CLEC4D: variants seen among roughly 807,000 people sequenced by gnomAD.
CLEC4D encodes the protein C-type lectin domain family 4 member D.
Under a neutral mutation model 21.1 loss-of-function variants are expected in CLEC4D, and 21 were observed. The ratio of observed to expected loss-of-function variants is 1.00; its 90% confidence interval spans 0.71 to 1.43. The LOEUF is 1.43. Among genes scored for constraint, CLEC4D ranks in the 40% most tolerant of loss-of-function variants. The pLI is 0.00. For synonymous variants in CLEC4D, 85 were observed against 83.1 expected (o/e 1.02, Z -0.12); for missense variants, 289 against 260.7 (o/e 1.11, Z -0.75).
At chr12:8,518,380 A>C in intron 3 of CLEC4D, 106 bp downstream of exon 3, 1 of 624,306 alleles carries the variant, frequency 1.6e-6, no homozygotes, top group Non-Finnish European at 2.9e-6. Flanking sequence ...AAATAGCATA[A>C]GATGAGAATC....
rs148408697 is a variant in CLEC4D at position 8,519,088 on chromosome 12, G to A, written c.312G>A (p.Thr104=). The A allele has an allele frequency of 9.9e-6, 16 of 1,614,130 alleles. No individual in the cohort carries two copies. The highest frequency in any genetic ancestry group is 2.7e-5 in the African/African-American group (2 of 75,030). The change falls in exon 4 of 6, where the codon ACG becomes ACA. Residue 104 remains threonine, a synonymous_variant. Transcript: ENST00000299665. ...NCYFPLTDNK[T]WAESERNCSG... is the part of the protein sequence containing the mutation. ...ATTTTCCTCTTACTGACAACAAGAC[G>A]TGGGCTGAGAGTGAAAGGAACTGTT... is the stretch of plus-strand genomic sequence containing the variant.
chr12:8,519,097 G>C lies in CLEC4D; in HGVS notation c.321G>C (p.Glu107Asp). Reference sequence around the variant, plus strand: ...TTACTGACAACAAGACGTGGGCTGAGAGTGAAAGGAACTGTTCAGGGATGG... The same window carrying C: ...TTACTGACAACAAGACGTGGGCTGACAGTGAAAGGAACTGTTCAGGGATGG... ...FPLTDNKTWA[E>D]SERNCSGMGA... The change falls in exon 4 of 6, where the codon GAG becomes GAC. Residue 107 changes from glutamate to aspartate, a missense_variant. Physicochemically the swap from Glu to Asp is conservative, Grantham distance 45. Transcript: ENST00000299665. 6.2e-7 allele frequency: 1 copy of C among 1,614,164 alleles called. No homozygotes were observed. The highest frequency in any genetic ancestry group is 8.5e-7 in the Non-Finnish European group (1 of 1,180,020).
In CLEC4D at chr12:8,521,344, G is replaced by C; in HGVS notation, c.*73G>C. On this transcript the variant is annotated 3_prime_UTR_variant, in exon 6 of 6. Coordinates refer to ENST00000299665, the MANE Select transcript of CLEC4D (RefSeq NM_080387.5). ...TTAGAATAAGGCAGAATGTACGTGC[G>C]TCATTGGAACACAGAAAACATGCTG... 6.5e-7 allele frequency: 1 copy of C among 1,529,224 alleles called. No homozygotes were observed. Among genetic ancestry groups the C allele is most frequent in the Non-Finnish European group, 8.7e-7 (1 of 1,144,388 alleles). The allele number at this position is 1,529,224 out of a possible 1,614,324, so 94.7% of individuals were successfully genotyped here.
At chr12:8,531,447 T>C in the CLEC4D span, among the ~76,000 whole-genome samples, 1 of 152,336 alleles carries the variant, frequency 6.6e-6, no homozygotes, top group East Asian at 1.9e-4. Context: ...TGTTTTGTTT[T>C]TTACTTCAGA....
At chr12:8,523,772 T>C (rs560668272), downstream of CLEC4D, among the ~76,000 whole-genome samples, 2 of 152,196 alleles carry the variant, frequency 1.3e-5, no homozygotes, top group African/African-American at 2.4e-5. Context: ...CCTTGTCTTG[T>C]ACCAGTTTTC....
In CLEC4D at chr12:8,520,341, T is replaced by A; in HGVS notation, c.500T>A (p.Val167Glu). The stretch of plus-strand genomic sequence containing the variant: ...CAGACGCCATTTAACCCACGCAGAG[T>A]GTAAGTATATTGAGTGGGCTAAGGG... Reference protein sequence around the residue: ...VDQTPFNPRRVFWHKNEPDNS... With the variant: ...VDQTPFNPRREFWHKNEPDNS... Residue 167 changes from valine (V) to glutamate (E), a missense_variant and splice_region_variant, in exon 5 of 6, where the codon GTA (valine) becomes GAA (glutamate). Coordinates refer to ENST00000299665, the MANE Select transcript of CLEC4D (RefSeq NM_080387.5). 6.2e-7 allele frequency: 1 copy of A among 1,613,150 alleles called. No individual in the cohort carries two copies. The highest frequency in any genetic ancestry group is 8.5e-7 in the Non-Finnish European group (1 of 1,179,404).
At chr12:8,519,297 A>G in intron 4 of CLEC4D, 137 bp downstream of exon 4, 1 of 1,341,648 alleles carries the variant, frequency 7.5e-7, no homozygotes, top group Non-Finnish European at 9.7e-7. Context: ...TTCCTCTTCA[A>G]CTTTTTGTCA....
rs1233056150 is a variant in CLEC4D, at chr12:8,521,940, G to T, written c.*669G>T. On this transcript the variant is annotated 3_prime_UTR_variant, in exon 6 of 6. Coordinates refer to ENST00000299665, the MANE Select transcript of CLEC4D (RefSeq NM_080387.5). ...GTCTTTGTAAGACACCTTAAACAAAGTCCTTCAATTCTACAGCAGAGGAAA... is the reference window on the plus strand; with the variant it reads ...GTCTTTGTAAGACACCTTAAACAAATTCCTTCAATTCTACAGCAGAGGAAA... 3.3e-5 allele frequency: 5 copies of T among 152,106 alleles called. No homozygotes were observed. The highest frequency in any genetic ancestry group is 1.2e-4 in the African/African-American group (5 of 41,448). 9.4% of individuals were successfully genotyped at this position (152,106 alleles called of 1,614,324 possible).
At chr12:8,518,334 A>C (rs1210847462) in intron 3 of CLEC4D, 60 bp downstream of exon 3, 11 of 767,972 alleles carry the variant, frequency 1.4e-5, no homozygotes, top group Admixed American at 1.3e-4. Context: ...TCATAGTCTG[A>C]CTGAAGGAAT....
Position 8,519,014 on chromosome 12 carries a change from A to T in CLEC4D, c.238A>T (p.Thr80Ser). 6.2e-7 allele frequency: 1 copy of T among 1,613,086 alleles called. No individual in the cohort carries two copies. The highest frequency in any genetic ancestry group is 8.5e-7 in the Non-Finnish European group (1 of 1,179,714). The change falls in exon 4 of 6, where the codon ACC becomes TCC. Residue 80 changes from threonine to serine, a missense_variant. Physicochemically the swap from Thr to Ser is moderately conservative, Grantham distance 58. Coordinates refer to ENST00000299665, the MANE Select transcript of CLEC4D (RefSeq NM_080387.5). ...KSELKSAEGSTWNCCPIDWRA... is the reference protein window; with the variant it reads ...KSELKSAEGSSWNCCPIDWRA... ...CGTTTTAATTTTCACTTGAGGGAGCACCTGGAACTGTTGTCCTATTGACTG... is the reference window on the plus strand; with the variant it reads ...CGTTTTAATTTTCACTTGAGGGAGCTCCTGGAACTGTTGTCCTATTGACTG...
At chr12:8,517,562 C>T (rs761129636) in intron 2 of CLEC4D, among the ~76,000 whole-genome samples, 56 of 151,662 alleles carry the variant, frequency 3.7e-4, no homozygotes, top group Non-Finnish European at 7.1e-4. Flanking sequence ...CAACCCAGCG[C>T]GCACCAAAAA....
intron 3 of CLEC4D, 111 bp downstream of exon 3, chr12:8,518,385 A>C (rs1940412774): frequency 1.7e-6 from 1 of 599,240 alleles, no homozygotes; most frequent in Non-Finnish European, 3.0e-6. Flanking sequence ...GCATAAGATG[A>C]GAATCTGGCA....
At position 8,513,689 on chromosome 12, in the gene CLEC4D, A is replaced by G. The variant is rs145947521; in HGVS notation, c.-44A>G. 348 of 921,550 alleles carry G rather than the reference A, an allele frequency of 3.8e-4. 2 individuals carry two copies. The East Asian group carries it at 5.8e-3, about 15-fold the overall frequency. 57.1% of individuals were successfully genotyped at this position (921,550 alleles called of 1,614,324 possible). On this transcript the variant is annotated 5_prime_UTR_variant, in exon 1 of 6. Transcript: ENST00000299665. ...TACTCTGGGGGAAAAAAAATAGAACAAATTCTTGCCGTCCTGACCATTGAA... is the reference window on the plus strand; with the variant it reads ...TACTCTGGGGGAAAAAAAATAGAACGAATTCTTGCCGTCCTGACCATTGAA...
At chr12:8,521,071 C>A in intron 5 of CLEC4D, 53 bp from the exon 6 acceptor site, 1 of 1,570,458 alleles carries the variant, frequency 6.4e-7, no homozygotes, top group South Asian at 1.2e-5. Flanking sequence ...CACCTATAAT[C>A]TACATTGTCT....
At chr12:8,518,957 T>G (rs1591720076) in intron 3 of CLEC4D, 52 bp from the exon 4 acceptor site, 1 of 1,588,762 alleles carries the variant, frequency 6.3e-7, no homozygotes, top group East Asian at 2.2e-5. Flanking sequence ...TGCAATCTGT[T>G]ACAGATGAAA....
chr12:8,529,993 A>C, the CLEC4D span, among the ~76,000 whole-genome samples: 1 of 152,236 alleles, frequency 6.6e-6, no homozygotes, highest in Admixed American at 6.5e-5. Context: ...GGAAACAGCT[A>C]TTTTTAATTA....
the CLEC4D span, among the ~76,000 whole-genome samples, chr12:8,529,719 T>A: frequency 6.6e-6 from 1 of 152,224 alleles, no homozygotes; most frequent in Non-Finnish European, 1.5e-5. Context: ...AATATTTACA[T>A]ATTCATACCA....
chr12:8,515,067 T>G (rs1940359747), intron 1 of CLEC4D, among the ~76,000 whole-genome samples, 169 bp from the exon 2 acceptor site: 1 of 152,150 alleles, frequency 6.6e-6, no homozygotes, highest in South Asian at 2.1e-4. Flanking sequence ...TCTTATTTAT[T>G]TATTCATCAA....
At position 8,519,008 on chromosome 12, in the gene CLEC4D, G is replaced by A; in HGVS notation, c.233-1G>A. 1.2e-6 allele frequency: 2 copies of A among 1,610,652 alleles called. No individual in the cohort carries two copies. Among genetic ancestry groups the A allele is most frequent in the East Asian group, 2.2e-5 (1 of 44,814 alleles). ...AATTTCCGTTTTAATTTTCACTTGA[G>A]GGAGCACCTGGAACTGTTGTCCTAT... On this transcript the variant is annotated splice_acceptor_variant, in intron 3 of 5. Transcript: ENST00000299665. LOFTEE classifies it high-confidence loss of function.
Sources: gnomAD v4.1 joint callset for allele counts (sites outside exome capture counted in the v4.1 genomes callset) on GRCh38, gnomAD v4.1.1 for gene constraint, MANE v1.5 for transcripts, NCBI Gene and HGNC (gene_info 2026-07-23, HGNC 2026-07-21) for gene names.